MYOF: variants seen among roughly 807,000 people sequenced by gnomAD.
MYOF encodes fer-1-like 3, myoferlin.
Under a neutral mutation model 284.2 loss-of-function variants are expected in MYOF, and 244 were observed. The observed-to-expected ratio is 0.86, with a 90% CI of 0.77 to 0.95. The LOEUF is 0.95. Ranked by LOEUF, MYOF falls within the 40% of genes least tolerant of loss-of-function variation. The pLI, the probability that MYOF is intolerant of heterozygous loss-of-function variation, is 0.00. For synonymous variants in MYOF, 904 were observed against 919.7 expected, an observed-to-expected ratio of 0.98 and a Z score of 0.31; for missense variants, 2,496 against 2,560.6, an observed-to-expected ratio of 0.97 and a Z score of 0.54.
chr10:93,325,606 G>C (rs1564619348), intron 46 of MYOF, among the ~76,000 whole-genome samples: 1 of 152,152 alleles, frequency 6.6e-6, no homozygotes, highest in Non-Finnish European at 1.5e-5. Context: ...CCCTGGTTCT[G>C]GTTTGTTCTG....
chr10:93,319,928 A>T lies in MYOF; in HGVS notation c.5542T>A (p.Phe1848Ile), dbSNP rs1308876980. The stretch of plus-strand genomic sequence containing the variant: ...GGAAGGTAGTCAAACGGGAAAACAA[A>T]TCGCCAGTTAAAATTCCCTTCACCA... ...LDGEGNFNWR[F>I]VFPFDYLPAE... is the part of the protein sequence containing the mutation. Residue 1848 changes from phenylalanine to isoleucine, a missense_variant, in exon 49 of 54, where the codon TTT becomes ATT. Phe to Ile is a conservative substitution (Grantham distance 21). Coordinates refer to ENST00000359263, the MANE Select transcript of MYOF (RefSeq NM_013451.4). 6.2e-7 allele frequency: 1 copy of T among 1,614,198 alleles called. No individual in the cohort carries two copies. The highest frequency in any genetic ancestry group is 8.5e-7 in the Non-Finnish European group (1 of 1,180,032).
intron 53 of MYOF, among the ~76,000 whole-genome samples, chr10:93,307,418 A>G (rs1842161648): frequency 6.6e-6 from 1 of 151,534 alleles, no homozygotes; most frequent in African/African-American, 2.4e-5. Context: ...CTCCTGCCTC[A>G]GCCTCCAGAG....
intron 53 of MYOF, 79 bp downstream of exon 53, chr10:93,309,941 G>A: frequency 6.4e-7 from 1 of 1,565,286 alleles, no homozygotes; most frequent in Non-Finnish European, 8.8e-7. Context: ...CTGCACAGTG[G>A]TCAGGGCAGA....
At chr10:93,351,363 T>C in intron 34 of MYOF, 50 bp downstream of exon 34, 1 of 1,610,062 alleles carries the variant, frequency 6.2e-7, no homozygotes, top group Non-Finnish European at 8.5e-7. Flanking sequence ...AGAATTAACA[T>C]GCATTTTAAG....
chr10:93,377,413 G>A lies in MYOF; in HGVS notation c.2018C>T (p.Ala673Val), dbSNP rs1845883950. The change falls in exon 22 of 54, where the codon GCT becomes GTT. Residue 673 changes from alanine to valine, a missense_variant. By Grantham distance (64) the Ala-to-Val change is moderately conservative. This residue lies in a region of MYOF where 2,436 missense variants were observed against 2,480.7 expected (regional missense o/e 0.98). Coordinates refer to ENST00000359263, the MANE Select transcript of MYOF (RefSeq NM_013451.4). ...TTTACCTTGTATCCCTGATTTTAGA[G>A]CTTCTATATTTGTTTGCTGAAGAAT... ...MAERLQTNIE[A>V]LKSGIQGKIP... The A allele has an allele frequency of 1.2e-6, 2 of 1,613,236 alleles. No individual in the cohort carries two copies. Among genetic ancestry groups the A allele is most frequent in the Non-Finnish European group, 1.7e-6 (2 of 1,179,390 alleles).
chr10:93,307,333 T>C (rs1015041992), intron 53 of MYOF, among the ~76,000 whole-genome samples: 6 of 152,190 alleles, frequency 3.9e-5, no homozygotes, highest in African/African-American at 1.4e-4. Flanking sequence ...TCTTGCTCTG[T>C]CGCCTAGGCT....
At chr10:93,361,335 G>T in intron 28 of MYOF, 117 bp downstream of exon 28, 1 of 944,882 alleles carries the variant, frequency 1.1e-6, no homozygotes. Flanking sequence ...CCTGGGGGCT[G>T]GGGACTCCTG....
chr10:93,466,144 C>A (rs1456090292), intron 1 of MYOF, among the ~76,000 whole-genome samples: 1 of 152,172 alleles, frequency 6.6e-6, no homozygotes, highest in Non-Finnish European at 1.5e-5. Flanking sequence ...TTGAGAGACA[C>A]CTGGGGGAGC....
At position 93,319,975 on chromosome 10, in the gene MYOF, T is replaced by G. The variant is rs1290438047; in HGVS notation, c.5495A>C (p.Asp1832Ala). The G allele has an allele frequency of 1.2e-6, 2 of 1,614,068 alleles. No homozygotes were observed. Among genetic ancestry groups the G allele is most frequent in the African/African-American group, 2.7e-5 (2 of 74,930 alleles). The part of the protein sequence containing the change: ...PGNEENKQKT[D>A]VHYRSLDGEG... ...ACCATCCAAAGATCTGTAATGGACA[T>G]CTGTTTTCTGTTTGTTTTCTTCATT... Residue 1832 changes from aspartate (D) to alanine (A), a missense_variant, in exon 49 of 54, where the codon GAT becomes GCT. This residue lies in a region of MYOF where 2,436 missense variants were observed against 2,480.7 expected (regional missense o/e 0.98). Coordinates refer to ENST00000359263, the MANE Select transcript of MYOF (RefSeq NM_013451.4).
chr10:93,450,520 G>A (rs574552679), intron 3 of MYOF, among the ~76,000 whole-genome samples: 3 of 152,344 alleles, frequency 2.0e-5, no homozygotes, highest in Admixed American at 2.0e-4. Context: ...GTTGCGGTAA[G>A]CTGAGATTGC....
chr10:93,471,030 T>C (rs2057136097), intron 1 of MYOF, among the ~76,000 whole-genome samples: 1 of 152,154 alleles, frequency 6.6e-6, no homozygotes, highest in Non-Finnish European at 1.5e-5. Context: ...TTTCAATTTA[T>C]AAGCTGCACT....
At position 93,319,974 on chromosome 10, in the gene MYOF, A is replaced by G. The variant is rs1322464716; in HGVS notation, c.5496T>C (p.Asp1832=). Residue 1832 remains aspartate (D), a synonymous_variant, in exon 49 of 54, where the codon GAT becomes GAC. Transcript: ENST00000359263. ...CACCATCCAAAGATCTGTAATGGAC[A>G]TCTGTTTTCTGTTTGTTTTCTTCAT... The part of the protein sequence containing the change: ...PGNEENKQKT[D]VHYRSLDGEG... 1.2e-6 allele frequency: 2 copies of G among 1,614,056 alleles called. No homozygotes were observed. Among genetic ancestry groups the G allele is most frequent in the African/African-American group, 2.7e-5 (2 of 74,932 alleles).
intron 3 of MYOF, among the ~76,000 whole-genome samples, chr10:93,438,286 T>G (rs2056133468): frequency 6.6e-6 from 1 of 152,174 alleles, no homozygotes; most frequent in Non-Finnish European, 1.5e-5. Context: ...GAGTCTCCGT[T>G]GCAGGGGTCA....
At chr10:93,331,879 TCTCA>T (rs1393414064) in intron 43 of MYOF, among the ~76,000 whole-genome samples, 1 of 152,192 alleles carries the variant, frequency 6.6e-6, no homozygotes, top group African/African-American at 2.4e-5. Context: ...CACAGTATTC[TCTCA>T]CTCAGCAAGG....
chr10:93,312,663 G>T (rs77192597), intron 51 of MYOF, among the ~76,000 whole-genome samples: 1 of 151,438 alleles, frequency 6.6e-6, no homozygotes, highest in Non-Finnish European at 1.5e-5. Flanking sequence ...TTTTTAATGA[G>T]AAAAATTCAA....
At chr10:93,335,092 C>T (rs777208829) in intron 41 of MYOF, among the ~76,000 whole-genome samples, 1 of 152,182 alleles carries the variant, frequency 6.6e-6, no homozygotes, top group African/African-American at 2.4e-5. Flanking sequence ...GTGAGTCACG[C>T]TGCCCGAAGC....
In MYOF at chr10:93,443,168, A is replaced by AT. The variant is rs57907640; in HGVS notation, c.236+8881dup. ...AGAGTGAGACTCTGTCTCACAAAAA[A>AT]TTTTTTTTAAAGAATTATAATACTT... On this transcript the variant is annotated intron_variant, in intron 3 of 53. Transcript: ENST00000359263. Among the ~76,000 whole-genome samples, 9,234 of 152,018 alleles carry AT rather than the reference A, an allele frequency of 0.061. 1,256 individuals carry two copies. The East Asian group carries it at 0.64, about 10-fold the overall frequency.
At chr10:93,367,856 A>G (rs1383857722) in intron 25 of MYOF, among the ~76,000 whole-genome samples, 1 of 152,136 alleles carries the variant, frequency 6.6e-6, no homozygotes, top group African/African-American at 2.4e-5. Flanking sequence ...TGCTAGTATT[A>G]TTAGCACATG....
chr10:93,376,726 C>T (rs1176529852), intron 22 of MYOF, among the ~76,000 whole-genome samples: 2 of 152,122 alleles, frequency 1.3e-5, no homozygotes, highest in Non-Finnish European at 1.5e-5. Flanking sequence ...GAATCACTTC[C>T]CCCTTTGATT....
Sources: gnomAD v4.1 joint callset for allele counts (sites outside exome capture counted in the v4.1 genomes callset) on GRCh38, gnomAD v4.1.1 for gene constraint, gnomAD v4.1.1 regional missense constraint, MANE v1.5 for transcripts, NCBI Gene and HGNC (gene_info 2026-07-23, HGNC 2026-07-21) for gene names.